The following FUT9 variants were observed in gnomAD, a reference collection of about 807,000 sequenced individuals.
FUT9 encodes fucosyltransferase 9.
A neutral mutation model predicts 29.7 loss-of-function variants in FUT9; 15 were observed. The observed-to-expected ratio is 0.51, with a 90% CI of 0.34 to 0.78. FUT9 has a LOEUF of 0.78. Among genes scored for constraint, FUT9 ranks in the 30% least tolerant of loss-of-function variants. The probability of loss-of-function intolerance (pLI) is 0.01; values close to 1 mark genes in which losing one functional copy is unlikely to be tolerated. For synonymous variants in FUT9, 169 were observed against 153.7 expected, an observed-to-expected ratio of 1.10 and a Z score of -0.74; for missense variants, 319 against 425.4, an observed-to-expected ratio of 0.75 and a Z score of 2.20.
At chr6:96,098,556 G>A (rs183820985) in intron 1 of FUT9, among the ~76,000 whole-genome samples, 15 of 152,136 alleles carry the variant, frequency 9.9e-5, no homozygotes, top group Admixed American at 3.3e-4. Context: ...CACTGTTCTA[G>A]CCTGTGAAGC....
intron 1 of FUT9, among the ~76,000 whole-genome samples, chr6:96,069,238 C>T (rs1272827996): frequency 6.6e-6 from 1 of 151,696 alleles, no homozygotes; most frequent in Non-Finnish European, 1.5e-5. Flanking sequence ...TTGCTTGAAC[C>T]GGGACGCTGG....
intron 2 of FUT9, among the ~76,000 whole-genome samples, chr6:96,193,080 G>A (rs1333114311): frequency 4.6e-5 from 7 of 150,562 alleles, no homozygotes; most frequent in Non-Finnish European, 7.4e-5. Context: ...TTAAATGTTA[G>A]ACCTAAAACC....
At chr6:96,033,735 T>A (rs9498739) in intron 1 of FUT9, among the ~76,000 whole-genome samples, 66,530 of 151,508 alleles carry the variant, frequency 0.44, 14,662 homozygotes, top group Non-Finnish European at 0.46. Context: ...TCTTCTGATA[T>A]ACCAAAATAT....
At chr6:96,137,953 A>C (rs1342849515) in intron 2 of FUT9, among the ~76,000 whole-genome samples, 2 of 151,916 alleles carry the variant, frequency 1.3e-5, no homozygotes, top group Non-Finnish European at 2.9e-5. Flanking sequence ...GGTTTAGTCT[A>C]AGAGGGCATA....
intron 2 of FUT9, among the ~76,000 whole-genome samples, chr6:96,162,891 G>A (rs1772939584): frequency 6.6e-6 from 1 of 152,196 alleles, no homozygotes; most frequent in African/African-American, 2.4e-5. Context: ...CATTCAGGAA[G>A]GCTAGAAGAT....
intron 2 of FUT9, among the ~76,000 whole-genome samples, chr6:96,166,470 T>A (rs1205154544): frequency 6.6e-6 from 1 of 152,232 alleles, no homozygotes; most frequent in Non-Finnish European, 1.5e-5. Context: ...AAGTTTTTAC[T>A]TTGAACAATC....
chr6:96,192,353 G>A (rs1415146381), intron 2 of FUT9, among the ~76,000 whole-genome samples: 1 of 152,130 alleles, frequency 6.6e-6, no homozygotes, highest in Admixed American at 6.6e-5. Context: ...CTTCAGCAAA[G>A]TCTCAGGATA....
intron 1 of FUT9, among the ~76,000 whole-genome samples, chr6:96,066,773 A>C (rs917560335): frequency 2.6e-5 from 4 of 152,080 alleles, no homozygotes; most frequent in Non-Finnish European, 5.9e-5. Flanking sequence ...GAAAGGCATT[A>C]CTTGCGGAAT....
chr6:96,028,603 T>C (rs1294299199), intron 1 of FUT9, among the ~76,000 whole-genome samples: 1 of 151,622 alleles, frequency 6.6e-6, no homozygotes, highest in Non-Finnish European at 1.5e-5. Flanking sequence ...CAATAAATGT[T>C]ACATCTTCTC....
At chr6:96,017,652 G>T (rs1312541078) in intron 1 of FUT9, among the ~76,000 whole-genome samples, 1 of 152,116 alleles carries the variant, frequency 6.6e-6, no homozygotes, top group African/African-American at 2.4e-5. Context: ...CAGGGCTTGT[G>T]TTCTAAGCAA....
intron 2 of FUT9, among the ~76,000 whole-genome samples, chr6:96,152,774 T>C (rs945525602): frequency 2.0e-5 from 3 of 152,210 alleles, no homozygotes; most frequent in Non-Finnish European, 4.4e-5. Flanking sequence ...AATAATTTAA[T>C]ACGATTGACC....
chr6:96,193,496 CAAT>C (rs560817678), intron 2 of FUT9, among the ~76,000 whole-genome samples: 65 of 151,128 alleles, frequency 4.3e-4, no homozygotes, highest in African/African-American at 1.0e-3. Flanking sequence ...ATCAAAACAA[CAAT>C]GAGATACCAT....
intron 1 of FUT9, among the ~76,000 whole-genome samples, chr6:96,057,976 T>C (rs894396475): frequency 6.6e-6 from 1 of 152,094 alleles, no homozygotes; most frequent in Non-Finnish European, 1.5e-5. Flanking sequence ...CCAAACATTT[T>C]TAAAATCTGT....
At chr6:96,170,634 G>C (rs1429521444) in intron 2 of FUT9, among the ~76,000 whole-genome samples, 1 of 151,796 alleles carries the variant, frequency 6.6e-6, no homozygotes, top group Admixed American at 6.6e-5. Context: ...TTGCCTTCTA[G>C]GTTGAAAACA....
At chr6:96,032,125 T>A (rs544953641) in intron 1 of FUT9, among the ~76,000 whole-genome samples, 26 of 151,608 alleles carry the variant, frequency 1.7e-4, no homozygotes, top group African/African-American at 5.1e-4. Context: ...ATAGGACTTT[T>A]AAAAAAAATC....
rs1420492144 is a variant in FUT9 at position 96,206,335 on chromosome 6, T to A, written c.*2100T>A. 6.0e-6 allele frequency: 1 copy of A among 167,104 alleles called. No homozygotes were observed. Among genetic ancestry groups the A allele is most frequent in the East Asian group, 1.9e-4 (1 of 5,206 alleles). 10.4% of individuals were successfully genotyped at this position (167,104 alleles called of 1,614,324 possible). On this transcript the variant is annotated 3_prime_UTR_variant, in exon 3 of 3. Transcript: ENST00000302103. ...CAATAAGTAAAGATCTCCATCCATATTTAATTAATTGGTAAGACAGTCAAA... is the reference window on the plus strand; with the variant it reads ...CAATAAGTAAAGATCTCCATCCATAATTAATTAATTGGTAAGACAGTCAAA...
chr6:96,099,557 A>G (rs1771553257), intron 1 of FUT9, among the ~76,000 whole-genome samples: 1 of 152,100 alleles, frequency 6.6e-6, no homozygotes, highest in African/African-American at 2.4e-5. Context: ...CTCCTTTAAA[A>G]TTATATGAAA....
At chr6:96,184,092 G>C (rs1367503267) in intron 2 of FUT9, among the ~76,000 whole-genome samples, 1 of 151,548 alleles carries the variant, frequency 6.6e-6, no homozygotes, top group African/African-American at 2.4e-5. Flanking sequence ...TTTTGTTGTT[G>C]GTAATTTTTT....
chr6:96,171,251 C>T (rs576354191), intron 2 of FUT9, among the ~76,000 whole-genome samples: 17 of 152,276 alleles, frequency 1.1e-4, no homozygotes, highest in East Asian at 5.8e-4. Context: ...AGTTCCAACC[C>T]GCATTTGGAT....
Sources: gnomAD v4.1 joint callset for allele counts (sites outside exome capture counted in the v4.1 genomes callset) on GRCh38, gnomAD v4.1.1 for gene constraint, MANE v1.5 for transcripts, NCBI Gene and HGNC (gene_info 2026-07-23, HGNC 2026-07-21) for gene names.